Variants in PDE7A observed in about 807,000 individuals in gnomAD.
PDE7A encodes phosphodiesterase 7A, also known as high affinity 3',5'-cyclic-AMP phosphodiesterase 7A.
Under a neutral mutation model 64.3 loss-of-function variants are expected in PDE7A, and 39 were observed. The ratio of observed to expected loss-of-function variants is 0.61; its 90% CI spans 0.47 to 0.79. The LOEUF is 0.79. Ranked by LOEUF, PDE7A falls within the 30% of genes least tolerant of loss-of-function variation. PDE7A has a pLI of 0.00. For synonymous variants in PDE7A, 203 were observed against 206.8 expected (o/e 0.98, Z 0.16); for missense variants, 470 against 582.8 (o/e 0.81, Z 1.99).
intron 3 of PDE7A, chr8:65,771,094 T>C (rs1291025407): frequency 5.9e-6 from 2 of 337,792 alleles, no homozygotes; most frequent in Non-Finnish European, 1.2e-5. Context: ...TTGTGGCATC[T>C]ACATAATAAA....
rs186980589 is a variant in PDE7A at position 65,740,464 on chromosome 8, G to A, written c.500-867C>T. Among the ~76,000 whole-genome samples the A allele has an allele frequency of 7.2e-3, 1,093 of 151,984 alleles. 6 individuals are homozygous for A. The highest frequency in any genetic ancestry group is 0.025 in the African/African-American group (1,039 of 41,442). On this transcript the variant is annotated intron_variant, in intron 5 of 12. Transcript: ENST00000401827. The stretch of plus-strand genomic sequence containing the variant: ...CACCTGGGCTGGAGTACAATGGTGC[G>A]ATCTTGGCTCACTGCAACCTCCACC...
At chr8:65,793,433 A>G (rs531626593) in intron 1 of PDE7A, among the ~76,000 whole-genome samples, 26 of 152,292 alleles carry the variant, frequency 1.7e-4, no homozygotes, top group Admixed American at 5.9e-4. Context: ...ATTTTGATAT[A>G]CAATAAATTG....
intron 3 of PDE7A, among the ~76,000 whole-genome samples, chr8:65,748,764 A>C (rs1807799555): frequency 6.6e-6 from 1 of 152,194 alleles, no homozygotes; most frequent in African/African-American, 2.4e-5. Flanking sequence ...TATGTGTATA[A>C]TGGCAATAAT....
At chr8:65,749,172 T>C (rs1807819243) in intron 3 of PDE7A, among the ~76,000 whole-genome samples, 1 of 152,220 alleles carries the variant, frequency 6.6e-6, no homozygotes, top group Admixed American at 6.5e-5. Flanking sequence ...ACTTCTGATA[T>C]TATAATTAGT....
At chr8:65,832,884 T>C (rs1810866888) in intron 1 of PDE7A, among the ~76,000 whole-genome samples, 1 of 152,198 alleles carries the variant, frequency 6.6e-6, no homozygotes, top group Non-Finnish European at 1.5e-5. Context: ...GTACTTATTT[T>C]ACCCTCTGAG....
chr8:65,790,336 G>A lies in PDE7A; in HGVS notation c.139-7493C>T, dbSNP rs557351549. Among the ~76,000 whole-genome samples the A allele has an allele frequency of 3.3e-5, 5 of 152,274 alleles. No homozygotes were observed. The East Asian group carries it at 9.7e-4, about 29-fold the overall frequency. The stretch of plus-strand genomic sequence containing the variant: ...TTTTTAAAAAGACCACTTTGGTCAA[G>A]TATAGGGAGGTGGGGTAGGGGCTGG... On this transcript the variant is annotated intron_variant, in intron 1 of 12. Transcript: ENST00000401827.
chr8:65,740,730 A>G (rs1315051240), intron 5 of PDE7A, among the ~76,000 whole-genome samples: 1 of 152,106 alleles, frequency 6.6e-6, no homozygotes, highest in Non-Finnish European at 1.5e-5. Context: ...AAGCCAATCC[A>G]TCCACACCTC....
At chr8:65,763,012 TGTG>T (rs1808588447) in intron 3 of PDE7A, among the ~76,000 whole-genome samples, 1 of 150,554 alleles carries the variant, frequency 6.6e-6, no homozygotes, top group Non-Finnish European at 1.5e-5. Context: ...TGTGTGTGTG[TGTG>T]TGTGTGTGTG....
intron 1 of PDE7A, among the ~76,000 whole-genome samples, chr8:65,829,880 T>C (rs1268035428): frequency 2.6e-5 from 4 of 152,064 alleles, no homozygotes; most frequent in African/African-American, 9.7e-5. Flanking sequence ...CAGCAACAAG[T>C]AACAAAGGGA....
intron 5 of PDE7A, among the ~76,000 whole-genome samples, chr8:65,741,154 A>G (rs2128902469): frequency 6.6e-6 from 1 of 152,300 alleles, no homozygotes; most frequent in South Asian, 2.1e-4. Flanking sequence ...GGACACATAT[A>G]CTATATTATT....
chr8:65,769,500 C>T (rs1344427119), intron 3 of PDE7A, among the ~76,000 whole-genome samples: 1 of 152,136 alleles, frequency 6.6e-6, no homozygotes, highest in Non-Finnish European at 1.5e-5. Context: ...TCTTGTGTAA[C>T]CACGAATACA....
intron 7 of PDE7A, among the ~76,000 whole-genome samples, chr8:65,733,940 T>C (rs1365073629): frequency 6.6e-6 from 1 of 152,176 alleles, no homozygotes; most frequent in Non-Finnish European, 1.5e-5. Context: ...GCAGACATAA[T>C]TGCAGAACTG....
chr8:65,798,206 A>ATATATATATTTTTT, intron 1 of PDE7A, among the ~76,000 whole-genome samples: 25 of 73,806 alleles, frequency 3.4e-4, no homozygotes, highest in South Asian at 4.5e-4. Flanking sequence ...ATATATATAT[A>ATATATATATTTTTT]TTTTTTTTTT....
At chr8:65,808,518 AAG>A (rs1265364343) in intron 1 of PDE7A, among the ~76,000 whole-genome samples, 1 of 152,210 alleles carries the variant, frequency 6.6e-6, no homozygotes, top group Non-Finnish European at 1.5e-5. Flanking sequence ...CAGTAGGAGA[AAG>A]AATCTATTTC....
chr8:65,798,456 C>T (rs139073101), intron 1 of PDE7A, among the ~76,000 whole-genome samples: 5,443 of 151,870 alleles, frequency 0.036, 138 homozygotes, highest in African/African-American at 0.074. Context: ...GTGATCCACC[C>T]GCCTCGGCCT....
intron 7 of PDE7A, 168 bp from the exon 8 acceptor site, chr8:65,727,469 C>T (rs1241840558): frequency 1.2e-6 from 1 of 853,924 alleles, no homozygotes; most frequent in African/African-American, 1.7e-5. Context: ...TCTGCCAGGT[C>T]CTGATCTCAT....
At position 65,715,505 on chromosome 8, in the gene PDE7A, G is replaced by T. The variant is rs74519415; in HGVS notation, c.*3785C>A. Among the ~76,000 whole-genome samples, 255 of 151,626 alleles carry T rather than the reference G, an allele frequency of 1.7e-3. 2 individuals are homozygous for T. In the East Asian group the frequency reaches 0.043, roughly 25 times the overall value. ...CAATTCTTCCGCCTCAGCCTCCCGAGTAGCTGGGATTACAGGAATGCGCCA... is the reference window on the plus strand; with the variant it reads ...CAATTCTTCCGCCTCAGCCTCCCGATTAGCTGGGATTACAGGAATGCGCCA... On this transcript the variant is annotated 3_prime_UTR_variant, in exon 13 of 13. Coordinates refer to ENST00000401827, the MANE Select transcript of PDE7A (RefSeq NM_001242318.3).
intron 1 of PDE7A, among the ~76,000 whole-genome samples, chr8:65,812,732 A>C (rs1810285987): frequency 6.6e-6 from 1 of 152,228 alleles, no homozygotes; most frequent in African/African-American, 2.4e-5. Flanking sequence ...GTATTTTTGA[A>C]AAATACAAAT....
At chr8:65,757,861 A>T (rs1317067291) in intron 3 of PDE7A, among the ~76,000 whole-genome samples, 2 of 152,008 alleles carry the variant, frequency 1.3e-5, no homozygotes, top group Admixed American at 1.3e-4. Context: ...TCGTGATCCG[A>T]CCGCCTTGGC....
Sources: gnomAD v4.1 joint callset for allele counts (sites outside exome capture counted in the v4.1 genomes callset) on GRCh38, gnomAD v4.1.1 for gene constraint, MANE v1.5 for transcripts, NCBI Gene and HGNC (gene_info 2026-07-23, HGNC 2026-07-21) for gene names.